The following PTPRD variants were observed in gnomAD, a reference collection of about 807,000 sequenced individuals.
PTPRD encodes the protein protein tyrosine phosphatase receptor type D, also known as receptor-type tyrosine-protein phosphatase delta.
PTPRD carries 34 observed loss-of-function variants against 214.5 expected under a neutral mutation model. The observed-to-expected ratio is 0.16, with a 90% CI of 0.12 to 0.21. The LOEUF is 0.21. PTPRD is among the 10% of genes least tolerant of loss of function. The pLI, the probability that PTPRD is intolerant of heterozygous loss-of-function variation, is 1.00. For synonymous variants in PTPRD, 1,128 were observed against 845.7 expected, an observed-to-expected ratio of 1.33 and a Z score of -5.79; for missense variants, 2,545 against 2,398.7, an observed-to-expected ratio of 1.06 and a Z score of -1.27.
chr9:8,353,694 A>T (rs1291506230), intron 39 of PTPRD, among the ~76,000 whole-genome samples: 1 of 151,780 alleles, frequency 6.6e-6, no homozygotes, highest in Non-Finnish European at 1.5e-5. Context: ...TCAGCCCCCC[A>T]AAGTGGTGGG....
At chr9:9,326,548 C>G (rs573120532) in intron 9 of PTPRD, among the ~76,000 whole-genome samples, 7 of 151,082 alleles carry the variant, frequency 4.6e-5, no homozygotes, top group South Asian at 2.1e-4. Context: ...ATATTCGAAC[C>G]CTTGATCTTC....
chr9:8,548,792 T>A (rs2081112650), intron 14 of PTPRD, among the ~76,000 whole-genome samples: 1 of 143,360 alleles, frequency 7.0e-6, no homozygotes, highest in African/African-American at 2.5e-5. Flanking sequence ...CCTCCCAGGT[T>A]CAAGCAATTC....
intron 23 of PTPRD, among the ~76,000 whole-genome samples, chr9:8,503,583 T>C (rs888198406): frequency 6.6e-6 from 1 of 152,180 alleles, no homozygotes; most frequent in Non-Finnish European, 1.5e-5. Context: ...TTAACCCCCA[T>C]TGTGATAAAC....
At chr9:8,454,713 T>C in intron 33 of PTPRD, 3 of 1,030,544 alleles carry the variant, frequency 2.9e-6, no homozygotes, top group Non-Finnish European at 4.4e-6. Context: ...CAAGGACACA[T>C]AACTGACATA....
chr9:8,762,035 T>C (rs999509215), intron 11 of PTPRD, among the ~76,000 whole-genome samples: 3 of 151,986 alleles, frequency 2.0e-5, no homozygotes, highest in Non-Finnish European at 4.4e-5. Flanking sequence ...GAAAAGTGAG[T>C]AGGGAGATTG....
At position 9,893,458 on chromosome 9, in the gene PTPRD, CA is replaced by C. The variant is rs377296181; in HGVS notation, c.-368+45048del. 1.4e-3 allele frequency among the ~76,000 whole-genome samples: 217 copies of C among 151,918 alleles called. 2 individuals carry two copies. Among genetic ancestry groups the C allele is most frequent in the African/African-American group, 5.1e-3 (213 of 41,498 alleles). On this transcript the variant is annotated intron_variant, in intron 5 of 45. Transcript: ENST00000381196. ...CATTTACCAAGCAAATAGAAAACAACAAAAAATATTTCTAATAGATTTCTGC... is the reference window on the plus strand; with the variant it reads ...CATTTACCAAGCAAATAGAAAACAACAAAAATATTTCTAATAGATTTCTGC...
intron 8 of PTPRD, among the ~76,000 whole-genome samples, chr9:9,415,227 G>A (rs1014116150): frequency 3.9e-5 from 6 of 152,144 alleles, no homozygotes; most frequent in Admixed American, 6.5e-5. Context: ...TGTAATCCCA[G>A]CACTTTGGGA....
At chr9:10,529,111 T>C (rs943805004) in intron 2 of PTPRD, among the ~76,000 whole-genome samples, 1 of 152,194 alleles carries the variant, frequency 6.6e-6, no homozygotes, top group Non-Finnish European at 1.5e-5. Flanking sequence ...TTGATCTCCT[T>C]GATTTATTTT....
At chr9:9,280,988 T>G (rs1418523161) in intron 9 of PTPRD, among the ~76,000 whole-genome samples, 1 of 151,232 alleles carries the variant, frequency 6.6e-6, no homozygotes, top group Non-Finnish European at 1.5e-5. Flanking sequence ...TCAAGTAATT[T>G]TTGACAAAAA....
intron 6 of PTPRD, among the ~76,000 whole-genome samples, chr9:9,758,014 A>G (rs1206220452): frequency 6.6e-6 from 1 of 152,016 alleles, no homozygotes; most frequent in Non-Finnish European, 1.5e-5. Flanking sequence ...TTCCACTGCC[A>G]TATCTGCCGG....
chr9:8,926,468 T>C (rs1294537481), intron 11 of PTPRD, among the ~76,000 whole-genome samples: 1 of 152,156 alleles, frequency 6.6e-6, no homozygotes, highest in Non-Finnish European at 1.5e-5. Flanking sequence ...TAAGCGTCTG[T>C]CCACTTCATG....
chr9:9,945,220 G>C (rs886677033), intron 4 of PTPRD, among the ~76,000 whole-genome samples: 2 of 152,048 alleles, frequency 1.3e-5, no homozygotes, highest in Non-Finnish European at 2.9e-5. Flanking sequence ...ATGCCCGTTA[G>C]GCATTTGAAT....
In PTPRD at chr9:9,382,961, A is replaced by G. The variant is rs144146135; in HGVS notation, c.-203+14488T>C. Among the ~76,000 whole-genome samples, 499 of 152,216 alleles carry G rather than the reference A, an allele frequency of 3.3e-3. 1 individual carries two copies. The highest frequency in any genetic ancestry group is 6.8e-3 in the Middle Eastern group (2 of 294). ...AAATGTTGTATATTTATATAATAGA[A>G]TATTATGTTGCCTTATAAAAGAAGA... On this transcript the variant is annotated intron_variant, in intron 9 of 45. Coordinates refer to ENST00000381196, the MANE Select transcript of PTPRD (RefSeq NM_002839.4).
chr9:9,872,306 T>A (rs2065674531), intron 5 of PTPRD, among the ~76,000 whole-genome samples: 1 of 152,146 alleles, frequency 6.6e-6, no homozygotes, highest in Non-Finnish European at 1.5e-5. Flanking sequence ...TCACAGTCCC[T>A]CAATTTCCTC....
intron 8 of PTPRD, among the ~76,000 whole-genome samples, chr9:9,493,004 C>T (rs574962764): frequency 6.8e-6 from 1 of 147,380 alleles, no homozygotes; most frequent in African/African-American, 2.5e-5. Context: ...ACTAATTGGC[C>T]ATTCTCCCAT....
chr9:8,498,496 TC>T (rs1218447919), intron 25 of PTPRD, among the ~76,000 whole-genome samples: 3 of 152,174 alleles, frequency 2.0e-5, no homozygotes, highest in Non-Finnish European at 4.4e-5. Flanking sequence ...CAGGATGGTC[TC>T]GATCTCTTGA....
chr9:9,920,893 G>A (rs1354984927), intron 5 of PTPRD, among the ~76,000 whole-genome samples: 2 of 152,068 alleles, frequency 1.3e-5, no homozygotes, highest in Non-Finnish European at 2.9e-5. Context: ...AACGAAGAAG[G>A]ATTTAAGATA....
chr9:9,496,655 A>G (rs1349894529), intron 8 of PTPRD, among the ~76,000 whole-genome samples: 1 of 152,186 alleles, frequency 6.6e-6, no homozygotes, highest in African/African-American at 2.4e-5. Flanking sequence ...GTTGGTGGGA[A>G]TGTAAAATGA....
At chr9:10,414,653 G>C (rs189706618) in intron 2 of PTPRD, among the ~76,000 whole-genome samples, 62 of 151,986 alleles carry the variant, frequency 4.1e-4, no homozygotes, top group Admixed American at 3.1e-3. Flanking sequence ...GTTCATTGCA[G>C]CACTATTCAC....
Sources: gnomAD v4.1 joint callset for allele counts (sites outside exome capture counted in the v4.1 genomes callset) on GRCh38, gnomAD v4.1.1 for gene constraint, MANE v1.5 for transcripts, NCBI Gene and HGNC (gene_info 2026-07-23, HGNC 2026-07-21) for gene names.